Variants in CACNA2D3 observed in about 807,000 individuals in gnomAD.
The protein encoded by CACNA2D3 is voltage-dependent calcium channel subunit alpha-2/delta-3.
Under a neutral mutation model 160.6 loss-of-function variants are expected in CACNA2D3, and 60 were observed. That is an observed-to-expected ratio of 0.37 (90% CI 0.30 to 0.46). The LOEUF (loss-of-function observed/expected upper bound fraction) is 0.46, where lower values mean the gene tolerates loss of function less well. Ranked by LOEUF, CACNA2D3 falls within the 20% of genes least tolerant of loss-of-function variation. The pLI, the probability that CACNA2D3 is intolerant of heterozygous loss-of-function variation, is 1.00. For synonymous variants in CACNA2D3, 558 were observed against 492.9 expected (o/e 1.13, Z -1.75); for missense variants, 1,205 against 1,365.0 (o/e 0.88, Z 1.85).
chr3:54,882,853 G>A (rs2694109), intron 21 of CACNA2D3, among the ~76,000 whole-genome samples: 118,978 of 152,180 alleles, frequency 0.78, 47,426 homozygotes, highest in African/African-American at 0.93. Context: ...TACAGAATGT[G>A]GGAATTTTCC....
At chr3:54,341,277 A>C (rs1698335537) in intron 3 of CACNA2D3, among the ~76,000 whole-genome samples, 1 of 152,044 alleles carries the variant, frequency 6.6e-6, no homozygotes, top group Admixed American at 6.6e-5. Context: ...AAGTTTCTCA[A>C]CCCTTAGACT....
chr3:54,954,575 A>C (rs1253797087), intron 27 of CACNA2D3, among the ~76,000 whole-genome samples: 1 of 152,064 alleles, frequency 6.6e-6, no homozygotes, highest in Non-Finnish European at 1.5e-5. Flanking sequence ...TCCAGTCCAA[A>C]TCATCTTTCC....
intron 2 of CACNA2D3, among the ~76,000 whole-genome samples, chr3:54,278,023 C>T (rs867971271): frequency 1.3e-5 from 2 of 152,172 alleles, no homozygotes; most frequent in Middle Eastern, 6.8e-3. Context: ...AGCTTTTGCA[C>T]AGCAAAAGAA....
At chr3:54,465,908 G>A (rs971599509) in intron 4 of CACNA2D3, among the ~76,000 whole-genome samples, 6 of 152,126 alleles carry the variant, frequency 3.9e-5, no homozygotes, top group Admixed American at 6.5e-5. Context: ...TGGAAAGATT[G>A]ACTTCCTAGT....
At chr3:54,702,183 A>G (rs1575430360) in intron 11 of CACNA2D3, among the ~76,000 whole-genome samples, 2 of 152,294 alleles carry the variant, frequency 1.3e-5, no homozygotes, top group South Asian at 4.1e-4. Context: ...AGAAATAACC[A>G]TTCTGGACAT....
At position 54,570,048 on chromosome 3, in the gene CACNA2D3, A is replaced by G. The variant is rs1702469446; in HGVS notation, c.832A>G (p.Thr278Ala). Reference protein sequence around the residue: ...KGLRLTIAKQTVSSILDTLGD... With the variant: ...KGLRLTIAKQAVSSILDTLGD... ...ACTCCGTCTGACTATCGCGAAGCAAACAGTCTCATCCATTTTGGATACACT... is the reference window on the plus strand; with the variant it reads ...ACTCCGTCTGACTATCGCGAAGCAAGCAGTCTCATCCATTTTGGATACACT... Residue 278 changes from threonine to alanine, a missense_variant, in exon 8 of 38, where the codon ACA becomes GCA. By Grantham distance (58) the Thr-to-Ala change is moderately conservative (BLOSUM62 0). Transcript: ENST00000474759. 6.2e-7 allele frequency: 1 copy of G among 1,613,914 alleles called. No individual in the cohort carries two copies. Among genetic ancestry groups the G allele is most frequent in the African/African-American group, 1.3e-5 (1 of 74,938 alleles).
chr3:55,027,339 G>C (rs1703584176), intron 35 of CACNA2D3, among the ~76,000 whole-genome samples: 1 of 152,116 alleles, frequency 6.6e-6, no homozygotes, highest in Non-Finnish European at 1.5e-5. Flanking sequence ...AGATATATTT[G>C]AGTATTTATC....
At chr3:54,466,102 A>T (rs1216246515) in intron 4 of CACNA2D3, among the ~76,000 whole-genome samples, 1 of 151,824 alleles carries the variant, frequency 6.6e-6, no homozygotes, top group Non-Finnish European at 1.5e-5. Context: ...GCCAGGGAAA[A>T]CTCTGCTTTT....
At chr3:54,860,974 A>G (rs1185653881) in intron 17 of CACNA2D3, among the ~76,000 whole-genome samples, 1 of 152,248 alleles carries the variant, frequency 6.6e-6, no homozygotes, top group Non-Finnish European at 1.5e-5. Flanking sequence ...AAATGACTAC[A>G]TAGACTAATT....
chr3:55,065,864 A>T (rs981430749), intron 35 of CACNA2D3, among the ~76,000 whole-genome samples: 2 of 152,104 alleles, frequency 1.3e-5, no homozygotes, highest in Non-Finnish European at 2.9e-5. Flanking sequence ...GTGGCATGCT[A>T]TGTTGCTTTT....
intron 31 of CACNA2D3, among the ~76,000 whole-genome samples, chr3:54,993,670 A>C (rs989544452): frequency 6.6e-6 from 1 of 151,880 alleles, no homozygotes; most frequent in Non-Finnish European, 1.5e-5. Flanking sequence ...TTACCAACAT[A>C]CTTGTGATTT....
intron 2 of CACNA2D3, among the ~76,000 whole-genome samples, chr3:54,252,464 C>G (rs1338667298): frequency 6.6e-6 from 1 of 152,064 alleles, no homozygotes; most frequent in African/African-American, 2.4e-5. Context: ...TCATTCTTTC[C>G]TTTGTTTTAG....
intron 2 of CACNA2D3, among the ~76,000 whole-genome samples, chr3:54,139,326 G>T (rs1052186852): frequency 1.3e-5 from 2 of 152,258 alleles, no homozygotes; most frequent in African/African-American, 4.8e-5. Flanking sequence ...ACGGGCTGCT[G>T]TCCCCACCTC....
At chr3:54,745,136 G>C (rs776546835) in intron 11 of CACNA2D3, among the ~76,000 whole-genome samples, 44 of 152,328 alleles carry the variant, frequency 2.9e-4, no homozygotes, top group Non-Finnish European at 5.1e-4. Flanking sequence ...GACACACAGG[G>C]AAGTGCCAAG....
At chr3:54,149,133 A>T (rs2107279028) in intron 2 of CACNA2D3, among the ~76,000 whole-genome samples, 1 of 152,170 alleles carries the variant, frequency 6.6e-6, no homozygotes, top group East Asian at 1.9e-4. Flanking sequence ...GATGTTCTGG[A>T]GGTAGAATCC....
At chr3:55,038,400 A>G (rs1703876971) in intron 35 of CACNA2D3, among the ~76,000 whole-genome samples, 1 of 152,166 alleles carries the variant, frequency 6.6e-6, no homozygotes, top group Admixed American at 6.5e-5. Context: ...AGCCAAACAC[A>G]TATGAGATGT....
intron 2 of CACNA2D3, among the ~76,000 whole-genome samples, chr3:54,211,622 T>C (rs1346616531): frequency 6.6e-6 from 1 of 152,204 alleles, no homozygotes; most frequent in African/African-American, 2.4e-5. Flanking sequence ...CAAAACTTAA[T>C]TAGACTCATA....
intron 25 of CACNA2D3, among the ~76,000 whole-genome samples, chr3:54,893,212 G>C (rs11717467): frequency 0.12 from 18,185 of 152,150 alleles, 1,292 homozygotes; most frequent in Non-Finnish European, 0.17. Flanking sequence ...GGAGGTGAAG[G>C]CTGTAGTGAG....
At chr3:54,347,890 G>A (rs960115427) in intron 3 of CACNA2D3, among the ~76,000 whole-genome samples, 1 of 152,146 alleles carries the variant, frequency 6.6e-6, no homozygotes, top group Non-Finnish European at 1.5e-5. Context: ...CTCCCATGGG[G>A]CTTGGTACAC....
Sources: gnomAD v4.1 joint callset for allele counts (sites outside exome capture counted in the v4.1 genomes callset) on GRCh38, gnomAD v4.1.1 for gene constraint, MANE v1.5 for transcripts, NCBI Gene and HGNC (gene_info 2026-07-23, HGNC 2026-07-21) for gene names.